The following EXOC6 variants were observed in gnomAD, a reference collection of about 807,000 sequenced individuals.
EXOC6 encodes the protein exocyst complex component 6, also known as SEC15-like 1.
A neutral mutation model predicts 112.5 loss-of-function variants in EXOC6; 60 were observed. The observed-to-expected ratio is 0.53, with a 90% CI of 0.43 to 0.66. The LOEUF (loss-of-function observed/expected upper bound fraction) is 0.66. EXOC6 is among the 30% of genes least tolerant of loss of function. The probability of loss-of-function intolerance (pLI) is 0.00; values close to 1 mark genes in which losing one functional copy is unlikely to be tolerated. For missense variants in EXOC6, 855 were observed against 957.1 expected (o/e 0.89, Z 1.41); for synonymous variants, 295 against 308.0 (o/e 0.96, Z 0.44).
chr10:92,874,412 T>A (rs1350485818), intron 1 of EXOC6, among the ~76,000 whole-genome samples: 2 of 141,140 alleles, frequency 1.4e-5, no homozygotes, highest in Non-Finnish European at 3.1e-5. Context: ...TTCCCATTCT[T>A]TATATTGTGA....
At chr10:92,844,577 A>G (rs1419008399), upstream of EXOC6, among the ~76,000 whole-genome samples, 1 of 152,032 alleles carries the variant, frequency 6.6e-6, no homozygotes, top group East Asian at 1.9e-4. Flanking sequence ...CCTGATACAC[A>G]ATCAGGTTTT....
At chr10:92,882,666 C>T (rs1004459734) in intron 1 of EXOC6, among the ~76,000 whole-genome samples, 22 of 151,928 alleles carry the variant, frequency 1.4e-4, no homozygotes, top group African/African-American at 5.3e-4. Flanking sequence ...AATTTATCTA[C>T]TATCTTTAAA....
rs58439083 is a variant in EXOC6 at position 93,050,759 on chromosome 10, C to CAAAAAAAAAAAAAAAAAAAAAA, written c.2170-6164_2170-6143dup. Among the ~76,000 whole-genome samples, 7 of 37,308 alleles carry CAAAAAAAAAAAAAAAAAAAAAA rather than the reference C, an allele frequency of 1.9e-4. 3 individuals are homozygous for CAAAAAAAAAAAAAAAAAAAAAA. Among genetic ancestry groups the CAAAAAAAAAAAAAAAAAAAAAA allele is most frequent in the Non-Finnish European group, 2.2e-4 (5 of 22,724 alleles). The allele number at this position is 37,308 out of a possible 152,430, so 24.5% of individuals were successfully genotyped here. ...TGGGCAACAAAGCGAGACTCCGTCT[C>CAAAAAAAAAAAAAAAAAAAAAA]AAAAAAAAAAAAAAAAAAAAAAGAA... is the stretch of plus-strand genomic sequence containing the variant. On this transcript the variant is annotated intron_variant, in intron 20 of 21. Coordinates refer to ENST00000260762, the MANE Select transcript of EXOC6 (RefSeq NM_019053.6).
intron 20 of EXOC6, among the ~76,000 whole-genome samples, chr10:93,043,400 G>T (rs1456409752): frequency 6.6e-6 from 1 of 152,150 alleles, no homozygotes; most frequent in African/African-American, 2.4e-5. Flanking sequence ...AATACTTAAA[G>T]AATACTTCCA....
intron 20 of EXOC6, among the ~76,000 whole-genome samples, chr10:93,024,069 A>C (rs548271270): frequency 9.2e-5 from 14 of 152,220 alleles, no homozygotes; most frequent in African/African-American, 3.4e-4. Context: ...TTGAGCATCC[A>C]TTGCTTCACT....
At chr10:92,978,297 C>T (rs117494527) in intron 18 of EXOC6, among the ~76,000 whole-genome samples, 2,269 of 152,024 alleles carry the variant, frequency 0.015, 33 homozygotes, top group Non-Finnish European at 0.026. Context: ...TTAGTCTTGG[C>T]TACTCAGGAT....
intron 16 of EXOC6, among the ~76,000 whole-genome samples, chr10:92,955,121 T>C (rs1294954308): frequency 6.6e-6 from 1 of 151,848 alleles, no homozygotes; most frequent in Non-Finnish European, 1.5e-5. Flanking sequence ...CTGCAGTGAG[T>C]TACAATCATA....
At chr10:92,835,995 A>G (rs959886100) in intron 1 of EXOC6, among the ~76,000 whole-genome samples, 1 of 152,224 alleles carries the variant, frequency 6.6e-6, no homozygotes. Context: ...AAATTGTACC[A>G]TTGCCTTCTA....
rs557354210 is a variant in EXOC6 at position 93,041,479 on chromosome 10, C to T, written c.2170-15445C>T. Among the ~76,000 whole-genome samples the T allele has an allele frequency of 2.6e-5, 4 of 152,262 alleles. No individual in the cohort carries two copies. The East Asian group carries it at 5.8e-4, about 22-fold the overall frequency. On this transcript the variant is annotated intron_variant, in intron 20 of 21. Transcript: ENST00000260762. ...TGATCTTGGCTCACTGCAACCTCTA[C>T]CTCCTGGGTTCAAGCAATTCTTCTG...
chr10:92,984,567 G>A (rs1265666949), intron 18 of EXOC6, among the ~76,000 whole-genome samples: 2 of 151,738 alleles, frequency 1.3e-5, no homozygotes, highest in African/African-American at 2.4e-5. Context: ...ATTACCAGTC[G>A]GTTTTGCTGA....
At chr10:92,899,698 A>G (rs61862266) in intron 5 of EXOC6, 54 bp downstream of exon 5, 21,881 of 1,239,794 alleles carry the variant, frequency 0.018, 242 homozygotes, top group African/African-American at 0.042. Flanking sequence ...CTATTATTGA[A>G]AGGACAGATA....
chr10:92,923,329 A>G (rs992308714), intron 8 of EXOC6, among the ~76,000 whole-genome samples: 3 of 152,180 alleles, frequency 2.0e-5, no homozygotes, highest in Admixed American at 6.5e-5. Flanking sequence ...TGTTCCTAGG[A>G]CAGCTACCTA....
intron 13 of EXOC6, among the ~76,000 whole-genome samples, chr10:92,941,655 A>G (rs976014772): frequency 6.6e-5 from 10 of 152,224 alleles, no homozygotes; most frequent in African/African-American, 2.4e-4. Flanking sequence ...ACAGAAATTT[A>G]CAGCTTTTAA....
intron 19 of EXOC6, among the ~76,000 whole-genome samples, chr10:93,012,349 A>C (rs1359048425): frequency 6.6e-6 from 1 of 152,332 alleles, no homozygotes; most frequent in East Asian, 1.9e-4. Flanking sequence ...CAAGAACTCA[A>C]ATAGCGCAGC....
Position 92,915,869 on chromosome 10 carries a change from G to A in EXOC6, c.775G>A (p.Val259Ile). Residue 259 changes from valine (V) to isoleucine (I), a missense_variant, in exon 7 of 22, where the codon GTA becomes ATA. This residue lies in a region of EXOC6 where 405 missense variants were observed against 393.6 expected (regional missense o/e 1.03). Coordinates refer to ENST00000260762, the MANE Select transcript of EXOC6 (RefSeq NM_019053.6). ...AATTCCAGAGGAAAGGAATGAAACT[G>A]TATTGAAACATTCACTTGAAGAAGA... The part of the protein sequence containing the change: ...DRIPEERNET[V>I]LKHSLEEEDE... 4 of 1,549,858 alleles carry A rather than the reference G, an allele frequency of 2.6e-6. No homozygotes were observed. The highest frequency in any genetic ancestry group is 1.4e-5 in the African/African-American group (1 of 70,314).
In EXOC6 at chr10:93,058,426, T is replaced by C; in HGVS notation, c.*71T>C. 4 of 1,346,084 alleles carry C rather than the reference T, an allele frequency of 3.0e-6. No homozygotes were observed. The highest frequency in any genetic ancestry group is 4.0e-6 in the Non-Finnish European group (4 of 1,008,010). 83.4% of individuals were successfully genotyped at this position (1,346,084 alleles called of 1,614,324 possible). Reference sequence around the variant, plus strand: ...GTTGATCTTGAGCAAGTATTGGTCATGATACAGTAATTTGTTTACAGAATC... The same window carrying C: ...GTTGATCTTGAGCAAGTATTGGTCACGATACAGTAATTTGTTTACAGAATC... On this transcript the variant is annotated 3_prime_UTR_variant, in exon 22 of 22. Transcript: ENST00000260762.
At chr10:92,855,222 A>C (rs950437390) in intron 1 of EXOC6, among the ~76,000 whole-genome samples, 2 of 151,778 alleles carry the variant, frequency 1.3e-5, no homozygotes, top group African/African-American at 2.4e-5. Context: ...CTGGCATGAA[A>C]ATTTTTTTTT....
chr10:92,866,878 T>G (rs550857843), intron 1 of EXOC6, among the ~76,000 whole-genome samples: 20 of 152,192 alleles, frequency 1.3e-4, no homozygotes, highest in Admixed American at 5.2e-4. Flanking sequence ...TATTAGAAGT[T>G]CAATTTCCTT....
At chr10:92,918,042 G>A (rs938134939) in intron 7 of EXOC6, among the ~76,000 whole-genome samples, 1 of 152,164 alleles carries the variant, frequency 6.6e-6, no homozygotes, top group African/African-American at 2.4e-5. Flanking sequence ...CTACTGGGGA[G>A]GCTGAGGTGG....
Sources: allele counts gnomAD v4.1 joint callset (sites outside exome capture counted in the v4.1 genomes callset), GRCh38; gene constraint gnomAD v4.1.1; regional missense constraint gnomAD v4.1.1; transcripts MANE v1.5; gene names NCBI Gene and HGNC (gene_info 2026-07-23, HGNC 2026-07-21).